RPP30: variants seen among roughly 807,000 people sequenced by gnomAD.
RPP30 encodes ribonuclease P/MRP subunit p30.
A neutral mutation model predicts 38.6 loss-of-function variants in RPP30; 36 were observed. That is an observed-to-expected ratio of 0.93 (90% CI 0.71 to 1.23). RPP30 has a LOEUF of 1.23. Ranked by LOEUF, RPP30 falls within the 50% of genes most tolerant of loss-of-function variation. The pLI, the probability that RPP30 is intolerant of heterozygous loss-of-function variation, is 0.00. For synonymous variants in RPP30, 126 were observed against 112.7 expected (o/e 1.12, Z -0.75); for missense variants, 321 against 321.7 (o/e 1.00, Z 0.02).
At chr10:90,874,056 A>G (rs1846818488) in intron 1 of RPP30, among the ~76,000 whole-genome samples, 1 of 152,230 alleles carries the variant, frequency 6.6e-6, no homozygotes, top group Admixed American at 6.5e-5. Flanking sequence ...CTTGTCAAGT[A>G]ATGGATGCTC....
chr10:90,885,805 T>A lies in RPP30; in HGVS notation c.343-7T>A. The A allele has an allele frequency of 6.2e-7, 1 of 1,603,710 alleles. No individual in the cohort carries two copies. The highest frequency in any genetic ancestry group is 8.5e-7 in the Non-Finnish European group (1 of 1,173,588). ...TTTGGCCTTACCTATTTTTTTCTTC[T>A]TTACAGATTGCTTGCACACATTTAG... On this transcript the variant is annotated splice_region_variant and splice_polypyrimidine_tract_variant and intron_variant, in intron 5 of 10. Transcript: ENST00000371703.
In RPP30 at chr10:90,901,804, G is replaced by A. The variant is rs984396354; in HGVS notation, c.*1125G>A. 11 of 981,492 alleles carry A rather than the reference G, an allele frequency of 1.1e-5. No homozygotes were observed. Among genetic ancestry groups the A allele is most frequent in the African/African-American group, 9.0e-5 (5 of 55,314 alleles). The allele number at this position is 981,492 out of a possible 1,614,324, so 60.8% of individuals were successfully genotyped here. A position where few individuals can be genotyped will look rare whatever the true frequency, so the allele number is the denominator to read the frequency against. ...AGCAAGAGAAAGACAACTGTTCTGC[G>A]GGTTGGAGAAAATACAATTTTTTTT... On this transcript the variant is annotated 3_prime_UTR_variant, in exon 11 of 11. Transcript: ENST00000371703.
At chr10:90,895,626 A>G (rs529171658) in intron 8 of RPP30, 143 bp downstream of exon 8, 2 of 544,656 alleles carry the variant, frequency 3.7e-6, no homozygotes, top group Non-Finnish European at 6.1e-6. Flanking sequence ...ATTGCTAAAT[A>G]GTAAAATTTA....
At chr10:90,876,513 G>A (rs147014186) in intron 4 of RPP30, among the ~76,000 whole-genome samples, 1 of 152,156 alleles carries the variant, frequency 6.6e-6, no homozygotes, top group African/African-American at 2.4e-5. Flanking sequence ...GGATGCTCTG[G>A]GAGTATGTAA....
chr10:90,881,352 G>A (rs1846925236), intron 5 of RPP30, among the ~76,000 whole-genome samples: 1 of 152,134 alleles, frequency 6.6e-6, no homozygotes, highest in African/African-American at 2.4e-5. Context: ...TCTAAAGATA[G>A]GACTTTGGGT....
At chr10:90,894,948 A>G in intron 7 of RPP30, 57 bp downstream of exon 7, 1 of 1,137,238 alleles carries the variant, frequency 8.8e-7, no homozygotes, top group South Asian at 1.2e-5. Flanking sequence ...TATTAGTAGT[A>G]CACTGGAATT....
chr10:90,879,456 ACTTCAGTTT>A, intron 5 of RPP30, among the ~76,000 whole-genome samples: 1 of 152,244 alleles, frequency 6.6e-6, no homozygotes, highest in African/African-American at 2.4e-5. Flanking sequence ...CTCTAAAATC[ACTTCAGTTT>A]CTGCCCTTCT....
At chr10:90,904,783 GTCT>G (rs1266125870), downstream of RPP30, among the ~76,000 whole-genome samples, 3 of 152,154 alleles carry the variant, frequency 2.0e-5, no homozygotes, top group Admixed American at 6.5e-5. Flanking sequence ...CTGCATTCCA[GTCT>G]GGGCGACAGA....
At chr10:90,878,950 C>CCGT (rs1564710928) in intron 4 of RPP30, 113 bp from the exon 5 acceptor site, 1 of 795,326 alleles carries the variant, frequency 1.3e-6, no homozygotes, top group Non-Finnish European at 2.1e-6. Flanking sequence ...GCAGAAATGT[C>CCGT]AGTATATTAG....
chr10:90,876,074 G>C lies in RPP30; in HGVS notation c.246G>C (p.Ser82=), dbSNP rs745993583. The change falls in exon 4 of 11, where the codon TCG becomes TCC. Residue 82 remains serine (S), a synonymous_variant. Transcript: ENST00000371703. ...TAACTAGATTAACAATTATTGTCTC[G>C]GATCCATCTCACTGCAATGTTTTGG... ...KILTRLTIIV[S]DPSHCNVLRA... is the part of the protein sequence containing the mutation. 1.3e-6 allele frequency: 2 copies of C among 1,580,950 alleles called. No individual in the cohort carries two copies. Among genetic ancestry groups the C allele is most frequent in the African/African-American group, 2.7e-5 (2 of 74,078 alleles).
At chr10:90,879,800 G>T (rs1271609778) in intron 5 of RPP30, among the ~76,000 whole-genome samples, 2 of 152,148 alleles carry the variant, frequency 1.3e-5, no homozygotes, top group Admixed American at 1.3e-4. Context: ...CATTTTAAAT[G>T]ATTACAGTAA....
intron 4 of RPP30, among the ~76,000 whole-genome samples, chr10:90,877,269 T>C (rs1054167307): frequency 6.6e-6 from 1 of 151,724 alleles, no homozygotes; most frequent in East Asian, 1.9e-4. Context: ...ATCACACCAG[T>C]GTACTCTAGC....
In RPP30 at chr10:90,895,058, T is replaced by A. The variant is rs1390331534; in HGVS notation, c.549+167T>A. 5 of 699,916 alleles carry A rather than the reference T, an allele frequency of 7.1e-6. No individual in the cohort carries two copies. In the African/African-American group the frequency reaches 8.9e-5, roughly 12 times the overall value. The allele number at this position is 699,916 out of a possible 1,614,324, so 43.4% of individuals were successfully genotyped here. On this transcript the variant is annotated intron_variant, in intron 7 of 10. Transcript: ENST00000371703. The stretch of plus-strand genomic sequence containing the variant: ...CTGCAAATTTTAAGGGAAAGAAAAA[T>A]ACCAAGGGAAGAATAATGTAAGGGA...
chr10:90,888,962 T>G (rs1317213681), intron 6 of RPP30, among the ~76,000 whole-genome samples: 1 of 152,170 alleles, frequency 6.6e-6, no homozygotes, highest in Non-Finnish European at 1.5e-5. Context: ...TTAGTCTTCA[T>G]CTAGTAGAAG....
At chr10:90,882,531 C>T (rs754130729) in intron 5 of RPP30, among the ~76,000 whole-genome samples, 3 of 151,928 alleles carry the variant, frequency 2.0e-5, no homozygotes, top group Admixed American at 6.6e-5. Flanking sequence ...GGCATGGTGG[C>T]GGGCACCTGT....
chr10:90,879,065 A>G lies in RPP30; in HGVS notation c.273A>G (p.Arg91=), dbSNP rs762893913. ...TAACATTCTTTTTGTATTCCTAGAG[A>G]GCAACTTCTTCAAGGGCCCGGCTCT... ...VSDPSHCNVL[R]ATSSRARLYD... The change falls in exon 5 of 11, where the codon AGA becomes AGG. Residue 91 remains arginine (R), a splice_region_variant and synonymous_variant. Transcript: ENST00000371703. The G allele has an allele frequency of 6.2e-6, 10 of 1,613,332 alleles. No homozygotes were observed. The highest frequency in any genetic ancestry group is 8.5e-6 in the Non-Finnish European group (10 of 1,179,752).
chr10:90,881,258 A>G (rs1452067346), intron 5 of RPP30, among the ~76,000 whole-genome samples: 2 of 152,214 alleles, frequency 1.3e-5, no homozygotes, highest in Non-Finnish European at 2.9e-5. Context: ...ATTGGGACAG[A>G]TATTTATTAC....
chr10:90,875,738 A>C, intron 3 of RPP30, 124 bp downstream of exon 3: 2 of 802,818 alleles, frequency 2.5e-6, no homozygotes, highest in Non-Finnish European at 4.2e-6. Context: ...CGTTTTCCTC[A>C]AGGCTCAGCT....
Position 90,901,346 on chromosome 10 carries a change from T to C in RPP30, c.*667T>C, listed in dbSNP as rs1287176477. On this transcript the variant is annotated 3_prime_UTR_variant, in exon 11 of 11. Transcript: ENST00000371703. ...CTTGTTCATACTCAAATAGTAGTTA[T>C]TTTGAAGATATTCAAACTTATATTG... 2.0e-6 allele frequency: 2 copies of C among 981,834 alleles called. No homozygotes were observed. The highest frequency in any genetic ancestry group is 2.4e-6 in the Non-Finnish European group (2 of 826,834). The allele number at this position is 981,834 out of a possible 1,614,324, so 60.8% of individuals were successfully genotyped here. A position where few individuals can be genotyped will look rare whatever the true frequency, so the allele number is the denominator to read the frequency against.
Sources: gnomAD v4.1 joint callset for allele counts (sites outside exome capture counted in the v4.1 genomes callset) on GRCh38, gnomAD v4.1.1 for gene constraint, MANE v1.5 for transcripts, NCBI Gene and HGNC (gene_info 2026-07-23, HGNC 2026-07-21) for gene names.